MDGA2: variants seen among roughly 807,000 people sequenced by gnomAD.
MDGA2 encodes MAM domain-containing glycosylphosphatidylinositol anchor protein 2.
Under a neutral mutation model 117.8 loss-of-function variants are expected in MDGA2, and 40 were observed. The observed-to-expected ratio is 0.34, with a 90% CI of 0.26 to 0.44. MDGA2 has a LOEUF of 0.44. Ranked by LOEUF, MDGA2 falls within the 20% of genes least tolerant of loss-of-function variation. The probability of loss-of-function intolerance (pLI) is 1.00; values close to 1 mark genes in which losing one functional copy is unlikely to be tolerated. For synonymous variants in MDGA2, 452 were observed against 439.0 expected, an observed-to-expected ratio of 1.03 and a Z score of -0.37; for missense variants, 1,123 against 1,250.6, an observed-to-expected ratio of 0.90 and a Z score of 1.54.
chr14:46,868,303 A>T (rs911136905), intron 14 of MDGA2, among the ~76,000 whole-genome samples: 9 of 152,038 alleles, frequency 5.9e-5, no homozygotes, highest in Non-Finnish European at 1.0e-4. Context: ...GAGAAAAAGT[A>T]CTTATTCAAT....
chr14:47,079,270 C>G (rs1890612385), intron 6 of MDGA2, among the ~76,000 whole-genome samples: 1 of 152,202 alleles, frequency 6.6e-6, no homozygotes, highest in Admixed American at 6.5e-5. Flanking sequence ...AGATCCACAA[C>G]TACTCACTGC....
intron 7 of MDGA2, chr14:47,058,876 T>C (rs1160497921): frequency 3.0e-6 from 3 of 985,758 alleles, no homozygotes; most frequent in Admixed American, 1.2e-4. Context: ...TAGCCACACT[T>C]AGAACAGCCC....
chr14:46,990,899 C>CACAT (rs147192624), intron 8 of MDGA2, among the ~76,000 whole-genome samples: 11,209 of 146,658 alleles, frequency 0.076, 635 homozygotes, highest in Middle Eastern at 0.12. Flanking sequence ...CACACACACA[C>CACAT]ACCCCGCGTA....
At chr14:46,924,055 T>C (rs1654102098) in intron 9 of MDGA2, among the ~76,000 whole-genome samples, 1 of 152,046 alleles carries the variant, frequency 6.6e-6, no homozygotes, top group Admixed American at 6.6e-5. Context: ...TACAATGTTG[T>C]TCCAATCTAA....
At chr14:47,238,644 G>A (rs1327088049) in intron 2 of MDGA2, among the ~76,000 whole-genome samples, 2 of 151,512 alleles carry the variant, frequency 1.3e-5, no homozygotes, top group African/African-American at 4.8e-5. Flanking sequence ...AAAAAAATGT[G>A]GAAATGCCAT....
intron 1 of MDGA2, among the ~76,000 whole-genome samples, chr14:47,436,472 G>A (rs1406639657): frequency 1.3e-5 from 2 of 152,042 alleles, no homozygotes; most frequent in Non-Finnish European, 2.9e-5. Flanking sequence ...TCATAAACTA[G>A]GAGAATGGCA....
intron 2 of MDGA2, among the ~76,000 whole-genome samples, chr14:47,220,391 C>T (rs965359573): frequency 6.6e-6 from 1 of 152,180 alleles, no homozygotes; most frequent in African/African-American, 2.4e-5. Context: ...AATTATTAAT[C>T]GCCACATGGC....
intron 2 of MDGA2, among the ~76,000 whole-genome samples, chr14:47,266,053 T>C (rs1466097610): frequency 6.6e-6 from 1 of 152,104 alleles, no homozygotes; most frequent in Admixed American, 6.6e-5. Flanking sequence ...GTTACCTCAT[T>C]TAATCCTCAC....
chr14:47,129,571 T>C (rs1420662067), intron 5 of MDGA2, among the ~76,000 whole-genome samples: 1 of 148,310 alleles, frequency 6.7e-6, no homozygotes, highest in Non-Finnish European at 1.5e-5. Context: ...TGTGTCTTTA[T>C]AGCAGCATGA....
At chr14:47,084,769 T>G (rs1890837743) in intron 6 of MDGA2, among the ~76,000 whole-genome samples, 1 of 152,150 alleles carries the variant, frequency 6.6e-6, no homozygotes, top group South Asian at 2.1e-4. Flanking sequence ...CTATTCCATG[T>G]GAGGATATGA....
At chr14:47,133,655 C>G (rs1882316518) in intron 4 of MDGA2, among the ~76,000 whole-genome samples, 1 of 151,960 alleles carries the variant, frequency 6.6e-6, no homozygotes, top group African/African-American at 2.4e-5. Context: ...GTCAATATGT[C>G]CATTCTGATA....
At chr14:47,490,857 C>T (rs1894154385) in intron 1 of MDGA2, among the ~76,000 whole-genome samples, 1 of 152,106 alleles carries the variant, frequency 6.6e-6, no homozygotes, top group African/African-American at 2.4e-5. Context: ...AATTAACCTT[C>T]TTACGGGAAT....
rs1367691939 is a variant in MDGA2 at position 47,568,539 on chromosome 14, T to TA, written c.280+105977dup. ...GGTGGCATGGATGATTTACACCACTTAAAGTCTGTTTAACTGATCATTTAT... is the reference window on the plus strand; with the variant it reads ...GGTGGCATGGATGATTTACACCACTTAAAAGTCTGTTTAACTGATCATTTAT... On this transcript the variant is annotated intron_variant, in intron 1 of 16. Transcript: ENST00000399232. Among the ~76,000 whole-genome samples, 12 of 152,336 alleles carry TA rather than the reference T, an allele frequency of 7.9e-5. 1 individual carries two copies. In the Middle Eastern group the frequency reaches 0.02, roughly 259 times the overall value.
chr14:46,997,743 G>A (rs1345525858), intron 8 of MDGA2, among the ~76,000 whole-genome samples: 1 of 152,174 alleles, frequency 6.6e-6, no homozygotes, highest in African/African-American at 2.4e-5. Flanking sequence ...AGGAAGAAAT[G>A]TGACTACATT....
intron 3 of MDGA2, among the ~76,000 whole-genome samples, chr14:47,144,914 T>A (rs1465300547): frequency 6.6e-6 from 1 of 151,030 alleles, no homozygotes; most frequent in Non-Finnish European, 1.5e-5. Context: ...TCTCCCAAAG[T>A]GTTAGATTAC....
Position 46,960,832 on chromosome 14 carries a change from A to T in MDGA2, c.1820-3189T>A, listed in dbSNP as rs143325420. Among the ~76,000 whole-genome samples the T allele has an allele frequency of 2.0e-3, 303 of 147,914 alleles. 1 individual carries two copies. Among genetic ancestry groups the T allele is most frequent in the African/African-American group, 7.2e-3 (286 of 39,956 alleles). ...TATACACATATACATATGTGTACAT[A>T]TAAGTTAAAATACATATATATTTTA... On this transcript the variant is annotated intron_variant, in intron 8 of 16. Coordinates refer to ENST00000399232, the MANE Select transcript of MDGA2 (RefSeq NM_001113498.3).
intron 8 of MDGA2, among the ~76,000 whole-genome samples, chr14:46,992,377 A>C (rs1001064825): frequency 2.0e-5 from 3 of 152,134 alleles, no homozygotes; most frequent in Non-Finnish European, 4.4e-5. Context: ...GTTCAGGACT[A>C]TTCACCATTC....
chr14:46,861,924 C>G (rs1881525132), intron 14 of MDGA2, among the ~76,000 whole-genome samples: 1 of 151,896 alleles, frequency 6.6e-6, no homozygotes, highest in Non-Finnish European at 1.5e-5. Flanking sequence ...TAGAATAAAG[C>G]TATTCAAGAG....
At chr14:47,302,702 G>GA (rs1222846670) in intron 1 of MDGA2, among the ~76,000 whole-genome samples, 24 of 152,142 alleles carry the variant, frequency 1.6e-4, no homozygotes, top group South Asian at 6.2e-4. Context: ...GCCAACTCAT[G>GA]AAAAAAATCA....
Sources: gnomAD v4.1 joint callset for allele counts (sites outside exome capture counted in the v4.1 genomes callset) on GRCh38, gnomAD v4.1.1 for gene constraint, MANE v1.5 for transcripts, NCBI Gene and HGNC (gene_info 2026-07-23, HGNC 2026-07-21) for gene names.